The following EGFLAM variants were observed in gnomAD, a reference collection of about 807,000 sequenced individuals.
The protein encoded by EGFLAM is EGF like, fibronectin type III and laminin G domains.
EGFLAM carries 79 observed loss-of-function variants against 113.1 expected under a neutral mutation model. That is an observed-to-expected ratio of 0.70 (90% CI 0.58 to 0.84). The LOEUF is 0.84. EGFLAM is among the 40% of genes least tolerant of loss of function. The pLI is 0.00. For missense variants in EGFLAM, 1,265 were observed against 1,291.6 expected, an observed-to-expected ratio of 0.98 and a Z score of 0.32; for synonymous variants, 504 against 487.6, an observed-to-expected ratio of 1.03 and a Z score of -0.44.
At chr5:38,460,978 A>G (rs1214387829) in intron 20 of EGFLAM, 1 of 152,224 alleles carries the variant, frequency 6.6e-6, no homozygotes, top group Non-Finnish European at 1.5e-5. Context: ...TACTTTTCAT[A>G]CTTTGTCTCA....
At chr5:38,288,114 C>T (rs935332223) in intron 1 of EGFLAM, among the ~76,000 whole-genome samples, 6 of 152,066 alleles carry the variant, frequency 3.9e-5, no homozygotes, top group African/African-American at 1.4e-4. Flanking sequence ...TTATGAACTG[C>T]TTTTTCAGTG....
chr5:38,304,895 A>G (rs1758686349), intron 1 of EGFLAM, among the ~76,000 whole-genome samples: 1 of 152,222 alleles, frequency 6.6e-6, no homozygotes. Context: ...AGGATAGTAT[A>G]TAAAAGTAAA....
chr5:38,389,391 G>A (rs1164922697), intron 6 of EGFLAM, among the ~76,000 whole-genome samples: 1 of 152,084 alleles, frequency 6.6e-6, no homozygotes, highest in African/African-American at 2.4e-5. Context: ...TCTCTCTGAA[G>A]GTAGTAAAAC....
chr5:38,447,729 A>G (rs1742760023), intron 17 of EGFLAM, among the ~76,000 whole-genome samples: 1 of 149,922 alleles, frequency 6.7e-6, no homozygotes, highest in African/African-American at 2.5e-5. Context: ...TCACTCCAGC[A>G]TGGGCAACCA....
chr5:38,406,414 T>A (rs976003256), intron 7 of EGFLAM, among the ~76,000 whole-genome samples, 173 bp downstream of exon 7: 5 of 152,206 alleles, frequency 3.3e-5, no homozygotes, highest in African/African-American at 1.2e-4. Context: ...AAATCAGTAG[T>A]AGGGAAGTAC....
chr5:38,443,407 A>G (rs1269327459), intron 17 of EGFLAM, among the ~76,000 whole-genome samples: 1 of 152,220 alleles, frequency 6.6e-6, no homozygotes, highest in East Asian at 1.9e-4. Flanking sequence ...TGGATGGTAT[A>G]TCATTAAACA....
intron 1 of EGFLAM, among the ~76,000 whole-genome samples, chr5:38,281,513 A>T (rs141183514): frequency 2.0e-5 from 3 of 152,220 alleles, no homozygotes; most frequent in African/African-American, 7.2e-5. Flanking sequence ...TCTGTTTGCT[A>T]AATCTGAGAA....
intron 6 of EGFLAM, among the ~76,000 whole-genome samples, chr5:38,383,158 T>C (rs1442788680): frequency 6.6e-6 from 1 of 152,170 alleles, no homozygotes; most frequent in African/African-American, 2.4e-5. Flanking sequence ...CCAACCAACA[T>C]GGGAGAAGGC....
intron 19 of EGFLAM, among the ~76,000 whole-genome samples, chr5:38,457,563 T>C (rs1743130583): frequency 6.6e-6 from 1 of 152,172 alleles, no homozygotes. Context: ...AAGATACCAG[T>C]TATATTGGAT....
rs1741310021 is a variant in EGFLAM, at chr5:38,407,025, C to T, written c.1026C>T (p.Leu342=). The change falls in exon 8 of 22, where the codon CTC becomes CTT. Residue 342 remains leucine, a synonymous_variant. Transcript: ENST00000322350. ...GKNGVAIMSR[L]FDMPCDETLC... is the part of the protein sequence containing the mutation. ...ATGGTGTGGCCATAATGTCAAGGCT[C>T]TTTGACATGCCTTGTGATGAAACTC... The T allele has an allele frequency of 1.2e-6, 2 of 1,614,102 alleles. No homozygotes were observed. Among genetic ancestry groups the T allele is most frequent in the Non-Finnish European group, 1.7e-6 (2 of 1,180,050 alleles).
At chr5:38,300,667 G>A (rs930694411) in intron 1 of EGFLAM, among the ~76,000 whole-genome samples, 11 of 152,200 alleles carry the variant, frequency 7.2e-5, no homozygotes, top group East Asian at 5.8e-4. Flanking sequence ...GAGCCATCGC[G>A]CCCGGCCATA....
chr5:38,348,392 G>A (rs1739529336), intron 3 of EGFLAM, among the ~76,000 whole-genome samples: 3 of 152,146 alleles, frequency 2.0e-5, no homozygotes, highest in South Asian at 4.1e-4. Flanking sequence ...CAGAGAAAGG[G>A]GGGTGGATGG....
chr5:38,336,128 T>C (rs1028198910), intron 1 of EGFLAM, among the ~76,000 whole-genome samples: 1 of 152,190 alleles, frequency 6.6e-6, no homozygotes, highest in African/African-American at 2.4e-5. Flanking sequence ...ACATGTGTTA[T>C]ATGGAAAAAT....
intron 1 of EGFLAM, among the ~76,000 whole-genome samples, chr5:38,320,941 G>A (rs1046251451): frequency 2.0e-5 from 3 of 152,150 alleles, no homozygotes; most frequent in Non-Finnish European, 4.4e-5. Context: ...CTTCTAGAAA[G>A]TTCCCCGACC....
intron 12 of EGFLAM, among the ~76,000 whole-genome samples, chr5:38,419,242 A>T (rs759261771): frequency 5.9e-5 from 9 of 152,190 alleles, no homozygotes; most frequent in Non-Finnish European, 1.3e-4. Context: ...AAATACAGGG[A>T]ATTAGGACTT....
At chr5:38,457,163 A>G (rs1423118953) in intron 19 of EGFLAM, among the ~76,000 whole-genome samples, 1 of 152,230 alleles carries the variant, frequency 6.6e-6, no homozygotes, top group Non-Finnish European at 1.5e-5. Flanking sequence ...GTTCTACATT[A>G]GGTTTGTGAT....
At chr5:38,322,365 C>T (rs1461296576) in intron 1 of EGFLAM, among the ~76,000 whole-genome samples, 5 of 152,122 alleles carry the variant, frequency 3.3e-5, no homozygotes, top group Non-Finnish European at 7.4e-5. Context: ...ACAGGCTTTC[C>T]ATAGGAATGT....
chr5:38,422,364 G>C (rs116243197), intron 12 of EGFLAM, among the ~76,000 whole-genome samples: 286 of 152,208 alleles, frequency 1.9e-3, no homozygotes, highest in African/African-American at 6.5e-3. Context: ...AACCTATTCA[G>C]CTACACTCTG....
At chr5:38,281,237 C>T (rs563265863) in intron 1 of EGFLAM, among the ~76,000 whole-genome samples, 2 of 152,072 alleles carry the variant, frequency 1.3e-5, no homozygotes, top group African/African-American at 4.8e-5. Context: ...AGTCCTGTTA[C>T]ACATATTATG....
Sources: allele counts gnomAD v4.1 joint callset (sites outside exome capture counted in the v4.1 genomes callset), GRCh38; gene constraint gnomAD v4.1.1; transcripts MANE v1.5; gene names NCBI Gene and HGNC (gene_info 2026-07-23, HGNC 2026-07-21).